SYT14: variants seen among roughly 807,000 people sequenced by gnomAD.
SYT14 encodes synaptotagmin 14.
A neutral mutation model predicts 74.2 loss-of-function variants in SYT14; 32 were observed. The ratio of observed to expected loss-of-function variants is 0.43; its 90% CI spans 0.33 to 0.58. The LOEUF (loss-of-function observed/expected upper bound fraction) is 0.58. SYT14 is among the 20% of genes least tolerant of loss of function. The probability of loss-of-function intolerance (pLI) is 0.05; values close to 1 mark genes in which losing one functional copy is unlikely to be tolerated. For synonymous variants in SYT14, 298 were observed against 337.7 expected (o/e 0.88, Z 1.29); for missense variants, 791 against 981.8 (o/e 0.81, Z 2.60).
At chr1:210,027,350 G>A (rs958128496) in intron 5 of SYT14, among the ~76,000 whole-genome samples, 9 of 151,736 alleles carry the variant, frequency 5.9e-5, no homozygotes, top group African/African-American at 2.2e-4. Flanking sequence ...AGGAGTTTGA[G>A]GTTGCAGTGA....
intron 7 of SYT14, among the ~76,000 whole-genome samples, chr1:210,114,478 G>A (rs1379787824): frequency 6.6e-6 from 1 of 150,992 alleles, no homozygotes; most frequent in African/African-American, 2.5e-5. Context: ...TTAATTTTTG[G>A]AGCTTTATTT....
chr1:210,085,897 C>T (rs1033543395), intron 5 of SYT14, among the ~76,000 whole-genome samples: 2 of 152,080 alleles, frequency 1.3e-5, no homozygotes, highest in South Asian at 2.1e-4. Flanking sequence ...ATTATGGCCT[C>T]ATAAAATAAG....
rs373080380 is a variant in SYT14 at position 209,998,520 on chromosome 1, G to C, written c.-485-15113G>C. On this transcript the variant is annotated intron_variant, in intron 2 of 9. Coordinates refer to ENST00000637265, the Ensembl canonical transcript of SYT14. ...AACAGTCCCGAGCAAAAAGAATAAA[G>C]CTGGAAGCAGCATACTATCTGACTT... Among the ~76,000 whole-genome samples, 23 of 152,052 alleles carry C rather than the reference G, an allele frequency of 1.5e-4. No homozygotes were observed. In the East Asian group the frequency reaches 3.5e-3, roughly 23 times the overall value.
rs1459593893 is a variant in SYT14, at chr1:209,970,707, A to G, written c.-486+17951A>G. ...TTTTTTTTTTTTTTTTTTTTGAGGC[A>G]GAGTCTCACTCTTGCCCAGGCTGGA... On this transcript the variant is annotated intron_variant, in intron 2 of 9. Coordinates refer to ENST00000637265, the Ensembl canonical transcript of SYT14. 1.1e-4 allele frequency among the ~76,000 whole-genome samples: 8 copies of G among 73,854 alleles called. No individual in the cohort carries two copies. The Admixed American group carries it at 1.1e-3, about 10-fold the overall frequency. 48.5% of individuals were successfully genotyped at this position (73,854 alleles called of 152,430 possible).
At chr1:210,087,912 T>C (rs2081770926) in intron 5 of SYT14, among the ~76,000 whole-genome samples, 1 of 152,190 alleles carries the variant, frequency 6.6e-6, no homozygotes, top group Admixed American at 6.5e-5. Context: ...GCTGAAATTT[T>C]CAGAAAGAGA....
intron 5 of SYT14, among the ~76,000 whole-genome samples, chr1:210,068,948 G>A (rs1317168289): frequency 2.6e-5 from 4 of 151,572 alleles, no homozygotes; most frequent in Non-Finnish European, 4.4e-5. Flanking sequence ...TACCATTTCA[G>A]TTGTATCCAA....
intron 7 of SYT14, among the ~76,000 whole-genome samples, chr1:210,125,638 A>C (rs895421782): frequency 6.6e-6 from 1 of 152,188 alleles, no homozygotes; most frequent in African/African-American, 2.4e-5. Context: ...CAGCTCTTCT[A>C]ACAATTTTGT....
At chr1:209,966,929 A>C (rs2079166407) in intron 2 of SYT14, among the ~76,000 whole-genome samples, 1 of 152,168 alleles carries the variant, frequency 6.6e-6, no homozygotes, top group South Asian at 2.1e-4. Flanking sequence ...GGGTGATCTC[A>C]AGGGAAGAGC....
intron 2 of SYT14, among the ~76,000 whole-genome samples, chr1:210,013,295 T>G (rs1202735919): frequency 5.3e-5 from 8 of 152,034 alleles, no homozygotes; most frequent in African/African-American, 1.9e-4. Flanking sequence ...CGTCTTGAGC[T>G]CTTGGCCTCA....
intron 2 of SYT14, among the ~76,000 whole-genome samples, chr1:209,964,307 G>C (rs2079121754): frequency 6.6e-6 from 1 of 151,998 alleles, no homozygotes; most frequent in African/African-American, 2.4e-5. Context: ...GTGTAGAACT[G>C]TGAGTCAATT....
intron 2 of SYT14, among the ~76,000 whole-genome samples, chr1:209,996,640 C>T (rs972895794): frequency 1.3e-5 from 2 of 151,902 alleles, no homozygotes; most frequent in Non-Finnish European, 2.9e-5. Context: ...CAAAACCTGG[C>T]AAAGACACAA....
chr1:209,958,530 CTT>C (rs1257938607), intron 2 of SYT14, among the ~76,000 whole-genome samples: 1 of 152,028 alleles, frequency 6.6e-6, no homozygotes. Context: ...CATGGTGTAT[CTT>C]TGCATTTGTT....
intron 7 of SYT14, among the ~76,000 whole-genome samples, chr1:210,124,245 A>G (rs76439290): frequency 8.3e-6 from 1 of 120,264 alleles, no homozygotes; most frequent in Admixed American, 1.2e-4. Flanking sequence ...GACAGAAATG[A>G]AAAAAAAAAA....
chr1:210,015,121 A>G (rs1171276706), intron 3 of SYT14, among the ~76,000 whole-genome samples: 1 of 152,056 alleles, frequency 6.6e-6, no homozygotes, highest in Non-Finnish European at 1.5e-5. Flanking sequence ...GAAAATGGGG[A>G]AAAAGTGGTG....
At chr1:210,150,490 C>T (rs557788641) in intron 7 of SYT14, among the ~76,000 whole-genome samples, 13 of 152,292 alleles carry the variant, frequency 8.5e-5, no homozygotes, top group Middle Eastern at 6.8e-3. Flanking sequence ...GTGATCTCCT[C>T]CTTACCTAGT....
chr1:210,131,395 G>T (rs2082670715), intron 7 of SYT14, among the ~76,000 whole-genome samples: 1 of 151,838 alleles, frequency 6.6e-6, no homozygotes, highest in East Asian at 1.9e-4. Flanking sequence ...TGTAGAACTT[G>T]TTATAAAATA....
intron 2 of SYT14, among the ~76,000 whole-genome samples, chr1:209,992,197 G>A (rs1162766997): frequency 6.6e-6 from 1 of 152,052 alleles, no homozygotes; most frequent in Admixed American, 6.6e-5. Context: ...CCAGGCTGGA[G>A]TGCAGCGGCA....
chr1:210,124,497 T>C, intron 7 of SYT14, among the ~76,000 whole-genome samples: 1 of 152,098 alleles, frequency 6.6e-6, no homozygotes, highest in East Asian at 1.9e-4. Context: ...AATCCAGACC[T>C]AGACACATCA....
chr1:210,122,351 A>G (rs775912197), intron 7 of SYT14, among the ~76,000 whole-genome samples: 2 of 152,244 alleles, frequency 1.3e-5, no homozygotes, highest in African/African-American at 2.4e-5. Context: ...TTGTGGGTCA[A>G]TTATGGCTCT....
Sources: allele counts gnomAD v4.1 joint callset (sites outside exome capture counted in the v4.1 genomes callset), GRCh38; gene constraint gnomAD v4.1.1; transcripts MANE v1.5; gene names NCBI Gene and HGNC (gene_info 2026-07-23, HGNC 2026-07-21).